CNTN5: variants seen among roughly 807,000 people sequenced by gnomAD.
CNTN5 encodes the protein contactin 5.
Under a neutral mutation model 129.1 loss-of-function variants are expected in CNTN5, and 77 were observed. That is an observed-to-expected ratio of 0.60 (90% CI 0.50 to 0.72). The LOEUF (loss-of-function observed/expected upper bound fraction) is 0.72, where lower values mean the gene tolerates loss of function less well. Ranked by LOEUF, CNTN5 falls within the 30% of genes least tolerant of loss-of-function variation. The pLI is 0.00. For synonymous variants in CNTN5, 509 were observed against 465.6 expected (o/e 1.09, Z -1.20); for missense variants, 1,478 against 1,328.8 (o/e 1.11, Z -1.75).
At chr11:99,946,028 C>A (rs1950547190) in intron 7 of CNTN5, among the ~76,000 whole-genome samples, 1 of 152,014 alleles carries the variant, frequency 6.6e-6, no homozygotes, top group Non-Finnish European at 1.5e-5. Flanking sequence ...TTCTTGATTT[C>A]CAGTTTAACA....
intron 16 of CNTN5, among the ~76,000 whole-genome samples, chr11:100,245,260 ATCTT>A (rs1565368528): frequency 6.6e-6 from 1 of 152,152 alleles, no homozygotes; most frequent in East Asian, 1.9e-4. Context: ...CAGAGGCTAA[ATCTT>A]TCTTGTTCAC....
chr11:99,995,433 AT>A (rs1565768299), intron 8 of CNTN5, among the ~76,000 whole-genome samples: 1 of 152,210 alleles, frequency 6.6e-6, no homozygotes, highest in East Asian at 1.9e-4. Context: ...TTCAAAACTT[AT>A]TTCAAAACCT....
intron 1 of CNTN5, among the ~76,000 whole-genome samples, chr11:99,308,934 A>T (rs1170054367): frequency 6.6e-6 from 1 of 152,158 alleles, no homozygotes; most frequent in Non-Finnish European, 1.5e-5. Flanking sequence ...AGCCCATCCA[A>T]TGACTTACTA....
chr11:99,912,062 C>T (rs754719754), intron 6 of CNTN5, among the ~76,000 whole-genome samples: 2 of 151,680 alleles, frequency 1.3e-5, no homozygotes, highest in Non-Finnish European at 2.9e-5. Flanking sequence ...GAGGCAGATA[C>T]ATATTTTAAG....
At chr11:99,511,617 T>C (rs4562794) in intron 2 of CNTN5, among the ~76,000 whole-genome samples, 148,702 of 151,366 alleles carry the variant, frequency 0.98, 73,108 homozygotes, top group East Asian at 1. Context: ...TCTGTCTCGT[T>C]GATCTGTCTA....
At chr11:100,267,180 A>G (rs1478451059) in intron 17 of CNTN5, among the ~76,000 whole-genome samples, 1 of 151,786 alleles carries the variant, frequency 6.6e-6, no homozygotes, top group East Asian at 1.9e-4. Context: ...AACAACAGAA[A>G]TTTACTTTAT....
chr11:100,088,593 A>G (rs1944642033), intron 13 of CNTN5, among the ~76,000 whole-genome samples: 1 of 152,132 alleles, frequency 6.6e-6, no homozygotes, highest in Admixed American at 6.6e-5. Context: ...AGATCCTCAG[A>G]GACTATTATG....
intron 13 of CNTN5, among the ~76,000 whole-genome samples, chr11:100,130,623 A>T (rs1946343467): frequency 6.6e-6 from 1 of 152,042 alleles, no homozygotes; most frequent in African/African-American, 2.4e-5. Flanking sequence ...ACTGTGCTTG[A>T]GTACCCACAG....
intron 13 of CNTN5, among the ~76,000 whole-genome samples, chr11:100,137,087 A>G (rs185029197): frequency 3.9e-5 from 6 of 152,144 alleles, no homozygotes; most frequent in African/African-American, 1.4e-4. Context: ...ATTCTATGGC[A>G]TATAAAAGAT....
At chr11:99,142,414 C>G (rs971138530) in intron 1 of CNTN5, among the ~76,000 whole-genome samples, 2 of 152,010 alleles carry the variant, frequency 1.3e-5, no homozygotes, top group African/African-American at 4.8e-5. Flanking sequence ...CAGGTGCGCA[C>G]CAATGGAGGG....
chr11:99,683,754 G>A (rs1042009945), intron 3 of CNTN5, among the ~76,000 whole-genome samples: 4 of 151,748 alleles, frequency 2.6e-5, no homozygotes, highest in Non-Finnish European at 5.9e-5. Context: ...CTAGTATATA[G>A]TGTATTTCTC....
At chr11:99,185,570 C>G (rs539462333) in intron 1 of CNTN5, among the ~76,000 whole-genome samples, 1 of 151,586 alleles carries the variant, frequency 6.6e-6, no homozygotes, top group Non-Finnish European at 1.5e-5. Context: ...GTTTTTTTTC[C>G]CTATGACCTT....
rs554361653 is a variant in CNTN5 at position 99,921,023 on chromosome 11, A to G, written c.673+4874A>G. Among the ~76,000 whole-genome samples the G allele has an allele frequency of 1.8e-4, 28 of 152,266 alleles. No homozygotes were observed. The South Asian group carries it at 5.2e-3, about 28-fold the overall frequency. On this transcript the variant is annotated intron_variant, in intron 7 of 24. Transcript: ENST00000524871. ...TTCTCTACTGAATGTGAGAAAACAA[A>G]GAAGGTGTCCATCTGCAAACCAGAA... is the stretch of plus-strand genomic sequence containing the variant.
chr11:99,157,414 A>T (rs144816739), intron 1 of CNTN5, among the ~76,000 whole-genome samples: 1 of 151,992 alleles, frequency 6.6e-6, no homozygotes, highest in Admixed American at 6.6e-5. Flanking sequence ...CCCTCACAGC[A>T]ATTTTTATTA....
chr11:99,778,599 T>G (rs1945205901), intron 3 of CNTN5, among the ~76,000 whole-genome samples: 1 of 151,738 alleles, frequency 6.6e-6, no homozygotes, highest in Non-Finnish European at 1.5e-5. Flanking sequence ...TCATTGTGAT[T>G]ATGTGTCAGG....
At chr11:100,158,995 T>A (rs1248879678) in intron 13 of CNTN5, among the ~76,000 whole-genome samples, 1 of 151,840 alleles carries the variant, frequency 6.6e-6, no homozygotes, top group African/African-American at 2.4e-5. Flanking sequence ...TGAAAATTAA[T>A]AAACTAAAGC....
intron 1 of CNTN5, among the ~76,000 whole-genome samples, chr11:99,233,969 T>TA (rs943251714): frequency 7.3e-5 from 11 of 151,362 alleles, no homozygotes; most frequent in East Asian, 1.9e-4. Context: ...AATAAATAAA[T>TA]AATAATTTGT....
chr11:99,702,314 C>A (rs2134878269), intron 3 of CNTN5, among the ~76,000 whole-genome samples: 2 of 151,004 alleles, frequency 1.3e-5, no homozygotes, highest in African/African-American at 4.8e-5. Flanking sequence ...ATGAAGTATT[C>A]TTTTCTGTTA....
Position 99,633,930 on chromosome 11 carries a change from C to T in CNTN5, c.55+77661C>T, listed in dbSNP as rs147023059. Among the ~76,000 whole-genome samples, 372 of 152,210 alleles carry T rather than the reference C, an allele frequency of 2.4e-3. 3 individuals are homozygous for T. Among genetic ancestry groups the T allele is most frequent in the African/African-American group, 8.6e-3 (356 of 41,544 alleles). On this transcript the variant is annotated intron_variant, in intron 3 of 24. Coordinates refer to ENST00000524871, the MANE Select transcript of CNTN5 (RefSeq NM_014361.4). ...AGAGAGTACAGGACACGTGTGCCAGCGGGCTGCAGATCAGGTCGAAGAGAA... is the reference window on the plus strand; with the variant it reads ...AGAGAGTACAGGACACGTGTGCCAGTGGGCTGCAGATCAGGTCGAAGAGAA...
Sources: gnomAD v4.1 joint callset for allele counts (sites outside exome capture counted in the v4.1 genomes callset) on GRCh38, gnomAD v4.1.1 for gene constraint, MANE v1.5 for transcripts, NCBI Gene and HGNC (gene_info 2026-07-23, HGNC 2026-07-21) for gene names.